Variants in CHAF1A observed in about 807,000 individuals in gnomAD.
The protein encoded by CHAF1A is chromatin assembly factor 1 subunit A, also known as CAF-1 subunit A.
CHAF1A carries 5 observed loss-of-function variants against 93.2 expected under a neutral mutation model. The ratio of observed to expected loss-of-function variants is 0.05; its 90% CI spans 0.03 to 0.11. The LOEUF is 0.11. Among genes scored for constraint, CHAF1A ranks in the 10% least tolerant of loss-of-function variants. The pLI, the probability that CHAF1A is intolerant of heterozygous loss-of-function variation, is 1.00. For missense variants in CHAF1A, 1,102 were observed against 1,259.9 expected, an observed-to-expected ratio of 0.87 and a Z score of 1.90; for synonymous variants, 504 against 510.3, an observed-to-expected ratio of 0.99 and a Z score of 0.17.
At position 4,402,718 on chromosome 19, in the gene CHAF1A, C is replaced by T; in HGVS notation, c.-45C>T. ...AGAGCAGCGGCCGCCTGAGGGGAGC[C>T]CGCGCCTCCGCCGCCTGAGAGGAGG... is the stretch of plus-strand genomic sequence containing the variant. On this transcript the variant is annotated 5_prime_UTR_variant, in exon 1 of 15. Coordinates refer to ENST00000301280, the MANE Select transcript of CHAF1A (RefSeq NM_005483.3). The T allele has an allele frequency of 7.7e-6, 9 of 1,174,880 alleles. No homozygotes were observed. Among genetic ancestry groups the T allele is most frequent in the Non-Finnish European group, 8.5e-6 (8 of 945,254 alleles). 72.8% of individuals were successfully genotyped at this position (1,174,880 alleles called of 1,614,324 possible).
chr19:4,433,661 C>CA lies in CHAF1A; in HGVS notation c.2673+122_2673+123insA. ...TGTCACCCAGGCTGGAGTGCAGTGG[C>CA]GCAATCTCAGCTCACTGCAACCTCC... On this transcript the variant is annotated intron_variant, in intron 13 of 14. Coordinates refer to ENST00000301280, the MANE Select transcript of CHAF1A (RefSeq NM_005483.3). This position sits in a 1 kb window ranked among gnomAD's most constrained non-coding sequence, Gnocchi z 5.6. The CA allele has an allele frequency of 1.3e-6, 1 of 780,720 alleles. No homozygotes were observed. The allele number at this position is 780,720 out of a possible 1,614,324, so 48.4% of individuals were successfully genotyped here. A position where few individuals can be genotyped will look rare whatever the true frequency, so the allele number is the denominator to read the frequency against.
At chr19:4,432,335 C>T in intron 12 of CHAF1A, 128 bp downstream of exon 12, 1 of 1,108,460 alleles carries the variant, frequency 9.0e-7, no homozygotes, top group Non-Finnish European at 1.3e-6. Context: ...AGAGGCCAGC[C>T]CTTTTCCTGT....
At chr19:4,429,934 C>T in intron 10 of CHAF1A, 146 bp downstream of exon 10, 1 of 677,056 alleles carries the variant, frequency 1.5e-6, no homozygotes, top group Admixed American at 3.0e-5. Flanking sequence ...AACCTGAACG[C>T]ACCTCAACAT....
rs397768061 is a variant in CHAF1A at position 4,417,457 on chromosome 19, C to CTTTTTT, written c.961-547_961-542dup. Reference sequence around the variant, plus strand: ...TCCCTGTCGCCCAGGCCAGCTGTCGCTTTTTTTTTTTTTTTTTTTTTAAGA... The same window carrying CTTTTTT: ...TCCCTGTCGCCCAGGCCAGCTGTCGCTTTTTTTTTTTTTTTTTTTTTTTTTTTAAGA... On this transcript the variant is annotated intron_variant, in intron 3 of 14. Transcript: ENST00000301280. Among the ~76,000 whole-genome samples, 4 of 103,114 alleles carry CTTTTTT rather than the reference C, an allele frequency of 3.9e-5. 1 individual carries two copies. Among genetic ancestry groups the CTTTTTT allele is most frequent in the Non-Finnish European group, 3.7e-5 (2 of 54,312 alleles). 67.6% of individuals were successfully genotyped at this position (103,114 alleles called of 152,430 possible). A position where few individuals can be genotyped will look rare whatever the true frequency, so the allele number is the denominator to read the frequency against.
rs1479288308 is a variant in CHAF1A, at chr19:4,429,593, G to C, written c.1760G>C (p.Trp587Ser). 6.2e-7 allele frequency: 1 copy of C among 1,614,100 alleles called. No individual in the cohort carries two copies. Among genetic ancestry groups the C allele is most frequent in the Admixed American group, 1.7e-5 (1 of 59,986 alleles). The change falls in exon 9 of 15, where the codon TGG becomes TCG. Residue 587 changes from tryptophan to serine, a missense_variant. Around this residue, in one of 6 missense-constraint regions of CHAF1A, gnomAD observed 335 missense variants for 361.9 expected, o/e 0.93. Transcript: ENST00000301280. ...GCACTCATCCGCGCGCGAGACCCCT[G>C]GGCCCAGGACACGGTGAGCTAGCCC... The part of the protein sequence containing the change: ...KTALIRARDP[W>S]AQDTKLLDYE...
At chr19:4,418,667 G>A (rs1428515638) in intron 4 of CHAF1A, among the ~76,000 whole-genome samples, 3 of 151,942 alleles carry the variant, frequency 2.0e-5, no homozygotes, top group Non-Finnish European at 2.9e-5. Context: ...CGCCCGCCTC[G>A]GCCTCCCAGA....
At position 4,430,891 on chromosome 19, in the gene CHAF1A, G is replaced by A. The variant is rs555896577; in HGVS notation, c.1947+250G>A. Reference sequence around the variant, plus strand: ...GGAGCAGACACCCTGGTGAGGGAGCGTGGCCATGGTCTGTGGGTTAGAAGG... The same window carrying A: ...GGAGCAGACACCCTGGTGAGGGAGCATGGCCATGGTCTGTGGGTTAGAAGG... On this transcript the variant is annotated intron_variant, in intron 11 of 14. Coordinates refer to ENST00000301280, the MANE Select transcript of CHAF1A (RefSeq NM_005483.3). 2.3e-4 allele frequency: 114 copies of A among 501,634 alleles called. No homozygotes were observed. In the East Asian group the frequency reaches 3.6e-3, roughly 16 times the overall value. 31.1% of individuals were successfully genotyped at this position (501,634 alleles called of 1,614,324 possible). A position where few individuals can be genotyped will look rare whatever the true frequency, so the allele number is the denominator to read the frequency against.
chr19:4,438,448 C>G (rs897915209), intron 13 of CHAF1A, among the ~76,000 whole-genome samples: 1 of 152,034 alleles, frequency 6.6e-6, no homozygotes, highest in African/African-American at 2.4e-5. Flanking sequence ...ATCCACCTGC[C>G]TCGGCCTCCC....
chr19:4,426,699 A>G (rs1974087644), intron 7 of CHAF1A, among the ~76,000 whole-genome samples: 1 of 148,268 alleles, frequency 6.7e-6, no homozygotes, highest in South Asian at 2.2e-4. Flanking sequence ...GTCTTGAACT[A>G]CTGACCTCAG....
At chr19:4,408,472 T>A (rs1973726111) in intron 2 of CHAF1A, among the ~76,000 whole-genome samples, 1 of 102,864 alleles carries the variant, frequency 9.7e-6, no homozygotes, top group East Asian at 3.3e-4. Context: ...TTTTTTTTTT[T>A]TTTTTTTTTT....
At chr19:4,406,737 T>A (rs542901617) in intron 2 of CHAF1A, among the ~76,000 whole-genome samples, 2 of 152,244 alleles carry the variant, frequency 1.3e-5, no homozygotes, top group Admixed American at 1.3e-4. Context: ...CCGGCCCAGA[T>A]TGTATTTTTA....
downstream of CHAF1A, chr19:4,448,403 C>T (rs745536160): frequency 2.3e-5 from 36 of 1,588,630 alleles, no homozygotes; most frequent in Non-Finnish European, 2.9e-5. Flanking sequence ...GCCACTGGGT[C>T]GGTGGAGAAG....
chr19:4,408,854 G>C (rs574909689), intron 2 of CHAF1A, 49 bp from the exon 3 acceptor site: 3 of 1,547,936 alleles, frequency 1.9e-6, no homozygotes, highest in South Asian at 2.5e-5. Context: ...CTCATGAGTG[G>C]TTGTAACTTT....
chr19:4,429,032 G>A, intron 8 of CHAF1A, 142 bp downstream of exon 8: 1 of 654,770 alleles, frequency 1.5e-6, no homozygotes, highest in South Asian at 1.9e-5. Context: ...TTCGGTGCTG[G>A]CTCAGGCCTC....
At chr19:4,446,610 C>G, downstream of CHAF1A, 1 of 1,612,662 alleles carries the variant, frequency 6.2e-7, no homozygotes, top group East Asian at 2.2e-5. Context: ...GCTGCCTGTC[C>G]AGCTTGGCGC....
chr19:4,410,588 C>T (rs921494948), intron 3 of CHAF1A, among the ~76,000 whole-genome samples: 2 of 152,038 alleles, frequency 1.3e-5, no homozygotes, highest in African/African-American at 4.8e-5. Context: ...ACTATCTTGG[C>T]CAGGCTGGTC....
chr19:4,420,514 A>T (rs540648491), intron 4 of CHAF1A, among the ~76,000 whole-genome samples: 41 of 152,256 alleles, frequency 2.7e-4, no homozygotes, highest in Non-Finnish European at 5.6e-4. Context: ...AAGTGCTGGG[A>T]TTACAGGTGG....
intron 3 of CHAF1A, among the ~76,000 whole-genome samples, chr19:4,413,305 C>T (rs536734393): frequency 1.2e-4 from 18 of 152,142 alleles, no homozygotes; most frequent in African/African-American, 4.1e-4. Flanking sequence ...CTCCTGACCT[C>T]GTGATCCGCC....
chr19:4,447,959 C>T, downstream of CHAF1A: 2 of 497,940 alleles, frequency 4.0e-6, no homozygotes, highest in East Asian at 3.6e-5. Context: ...CAGCAGGGGG[C>T]TCCTGCGGGG....
Sources: gnomAD v4.1 joint callset for allele counts (sites outside exome capture counted in the v4.1 genomes callset) on GRCh38, gnomAD v4.1.1 for gene constraint, gnomAD v4.1.1 regional missense constraint, Gnocchi (gnomAD v3.1) non-coding constraint, MANE v1.5 for transcripts, NCBI Gene and HGNC (gene_info 2026-07-23, HGNC 2026-07-21) for gene names.